The following OSBPL9 variants were observed in gnomAD, a reference collection of about 807,000 sequenced individuals.
OSBPL9 encodes oxysterol-binding protein-related protein 9.
In OSBPL9, 40 loss-of-function variants were observed where a neutral mutation model predicts 106.6. The observed-to-expected ratio is 0.38, with a 90% CI of 0.29 to 0.49. The LOEUF is 0.49. Among genes scored for constraint, OSBPL9 ranks in the 20% least tolerant of loss-of-function variants. The probability of loss-of-function intolerance (pLI) is 0.97; values close to 1 mark genes in which losing one functional copy is unlikely to be tolerated. For synonymous variants in OSBPL9, 269 were observed against 295.4 expected (o/e 0.91, Z 0.92); for missense variants, 609 against 887.2 (o/e 0.69, Z 3.98).
rs550598467 is a variant in OSBPL9, at chr1:51,708,062, CT to C, written c.242-5940del. 9.0e-4 allele frequency: 199 copies of C among 222,164 alleles called. 1 individual carries two copies. Among genetic ancestry groups the C allele is most frequent in the African/African-American group, 4.4e-3 (190 of 43,474 alleles). The allele number at this position is 222,164 out of a possible 1,614,324, so 13.8% of individuals were successfully genotyped here. On this transcript the variant is annotated intron_variant, in intron 3 of 23. Transcript: ENST00000428468. ...AAGGGGTCACTGATGACAACAATACCTGCTTTGCCAGAGTTAAAAGAAGCCC... is the reference window on the plus strand; with the variant it reads ...AAGGGGTCACTGATGACAACAATACCGCTTTGCCAGAGTTAAAAGAAGCCC...
chr1:51,637,932 C>A (rs1464360077), intron 1 of OSBPL9, among the ~76,000 whole-genome samples: 4 of 152,038 alleles, frequency 2.6e-5, no homozygotes, highest in Non-Finnish European at 5.9e-5. Flanking sequence ...ATCTTTGGGT[C>A]AAAAAAACTT....
intron 15 of OSBPL9, among the ~76,000 whole-genome samples, chr1:51,779,175 CA>C (rs1390541745): frequency 6.6e-6 from 1 of 152,116 alleles, no homozygotes; most frequent in Admixed American, 6.5e-5. Flanking sequence ...ATACGTTTGT[CA>C]AATCCTCAAG....
intron 1 of OSBPL9, among the ~76,000 whole-genome samples, chr1:51,648,277 T>G (rs144110735): frequency 6.6e-5 from 10 of 152,354 alleles, no homozygotes; most frequent in Middle Eastern, 3.4e-3. Context: ...TAGACAGATT[T>G]GCTTCAGACC....
intron 1 of OSBPL9, among the ~76,000 whole-genome samples, chr1:51,622,952 A>C (rs1031061706): frequency 6.6e-6 from 1 of 152,236 alleles, no homozygotes; most frequent in Non-Finnish European, 1.5e-5. Flanking sequence ...TTGGCAGAGG[A>C]AAAAAGCTTG....
At chr1:51,647,038 A>G (rs975296161) in intron 1 of OSBPL9, among the ~76,000 whole-genome samples, 21 of 152,172 alleles carry the variant, frequency 1.4e-4, no homozygotes, top group African/African-American at 5.1e-4. Context: ...TCATCATTAC[A>G]TATGCGGTTA....
At chr1:51,701,683 C>T (rs1397365315) in intron 3 of OSBPL9, among the ~76,000 whole-genome samples, 2 of 151,336 alleles carry the variant, frequency 1.3e-5, no homozygotes, top group Non-Finnish European at 2.9e-5. Flanking sequence ...TTTTAGGGTA[C>T]ATGTGCACAA....
chr1:51,538,765 C>T, the OSBPL9 span: 8 of 152,166 alleles, frequency 5.3e-5, no homozygotes, highest in Admixed American at 4.6e-4. Flanking sequence ...TTAATTCTTA[C>T]TTAGACCACC....
the OSBPL9 span, among the ~76,000 whole-genome samples, chr1:51,522,020 G>T: frequency 6.6e-6 from 1 of 152,222 alleles, no homozygotes; most frequent in East Asian, 1.9e-4. Flanking sequence ...GCTTCCCAAA[G>T]TGCTGGGATT....
At chr1:51,755,503 G>A (rs1353910931) in intron 8 of OSBPL9, among the ~76,000 whole-genome samples, 1 of 152,174 alleles carries the variant, frequency 6.6e-6, no homozygotes, top group East Asian at 1.9e-4. Context: ...TGAATTTTGA[G>A]TTTTGGTTTT....
chr1:51,711,525 T>C (rs2148885620), intron 3 of OSBPL9, among the ~76,000 whole-genome samples: 2 of 98,546 alleles, frequency 2.0e-5, no homozygotes, highest in African/African-American at 4.1e-5. Flanking sequence ...ACCCCCCACC[T>C]CCCTCCCGGA....
chr1:51,550,352 C>T, the OSBPL9 span, among the ~76,000 whole-genome samples: 1 of 152,126 alleles, frequency 6.6e-6, no homozygotes, highest in Admixed American at 6.5e-5. Flanking sequence ...CACAAAACAG[C>T]AGAAAAGCAA....
chr1:51,638,435 C>A (rs990694904), intron 1 of OSBPL9, among the ~76,000 whole-genome samples: 1 of 152,176 alleles, frequency 6.6e-6, no homozygotes, highest in South Asian at 2.1e-4. Context: ...TTTAGGAGTC[C>A]GTGCTCTCTT....
At chr1:51,749,461 C>A in intron 7 of OSBPL9, 1 of 392,790 alleles carries the variant, frequency 2.5e-6, no homozygotes, top group Non-Finnish European at 5.3e-6. Context: ...TATAGGCACA[C>A]GCTACCACAC....
chr1:51,748,860 C>T (rs370397618), intron 7 of OSBPL9, among the ~76,000 whole-genome samples: 7 of 151,948 alleles, frequency 4.6e-5, no homozygotes, highest in Admixed American at 2.0e-4. Context: ...CCGAGGTGGG[C>T]GGATCACCTG....
intron 3 of OSBPL9, among the ~76,000 whole-genome samples, chr1:51,699,808 G>A (rs1656850733): frequency 6.6e-6 from 1 of 152,112 alleles, no homozygotes; most frequent in Non-Finnish European, 1.5e-5. Context: ...TGAATGTTAT[G>A]TACATAGAGC....
intron 3 of OSBPL9, among the ~76,000 whole-genome samples, chr1:51,690,620 G>A (rs1654760253): frequency 6.6e-6 from 1 of 152,124 alleles, no homozygotes; most frequent in African/African-American, 2.4e-5. Context: ...ATAAATTAGT[G>A]GATCATCATT....
intron 15 of OSBPL9, among the ~76,000 whole-genome samples, chr1:51,780,547 G>A (rs918959605): frequency 2.0e-5 from 3 of 152,152 alleles, no homozygotes; most frequent in Admixed American, 6.5e-5. Context: ...AAAAAGGAAC[G>A]AAATAATGGC....
the OSBPL9 span, among the ~76,000 whole-genome samples, chr1:51,540,341 T>C: frequency 6.6e-6 from 1 of 152,162 alleles, no homozygotes; most frequent in Non-Finnish European, 1.5e-5. Context: ...TGGCCCCATA[T>C]TTGTTTTCTT....
intron 20 of OSBPL9, 136 bp downstream of exon 20, chr1:51,784,718 T>C (rs1321344721): frequency 9.6e-7 from 1 of 1,040,164 alleles, no homozygotes; most frequent in Non-Finnish European, 1.4e-6. Context: ...TTATGTGTCA[T>C]GTCTTTTGCT....
Sources: gnomAD v4.1 joint callset for allele counts (sites outside exome capture counted in the v4.1 genomes callset) on GRCh38, gnomAD v4.1.1 for gene constraint, MANE v1.5 for transcripts, NCBI Gene and HGNC (gene_info 2026-07-23, HGNC 2026-07-21) for gene names.